The following CCDC171 variants were observed in gnomAD, a reference collection of about 807,000 sequenced individuals.
CCDC171 encodes coiled-coil domain-containing protein 171.
A neutral mutation model predicts 168.2 loss-of-function variants in CCDC171; 177 were observed. The ratio of observed to expected loss-of-function variants is 1.05; its 90% CI spans 0.93 to 1.19. The LOEUF (loss-of-function observed/expected upper bound fraction) is 1.19, where lower values mean the gene tolerates loss of function less well. Ranked by LOEUF, CCDC171 falls within the 50% of genes most tolerant of loss-of-function variation. CCDC171 has a pLI of 0.00. For synonymous variants in CCDC171, 687 were observed against 540.8 expected, an observed-to-expected ratio of 1.27 and a Z score of -3.75; for missense variants, 1,991 against 1,539.0, an observed-to-expected ratio of 1.29 and a Z score of -4.91.
chr9:15,806,000 T>A (rs1180624327), intron 21 of CCDC171, among the ~76,000 whole-genome samples: 1 of 151,734 alleles, frequency 6.6e-6, no homozygotes, highest in East Asian at 1.9e-4. Context: ...TCTTTCTTTG[T>A]CTTTTTTGAT....
At chr9:15,978,934 TTCTA>T (rs1409057914), downstream of CCDC171, among the ~76,000 whole-genome samples, 1 of 152,178 alleles carries the variant, frequency 6.6e-6, no homozygotes, top group Non-Finnish European at 1.5e-5. Flanking sequence ...ATAATCTACT[TTCTA>T]TCTCTATGGA....
chr9:15,633,797 G>A lies in CCDC171; in HGVS notation c.822+10384G>A, dbSNP rs1237076927. The stretch of plus-strand genomic sequence containing the variant: ...CCCAAATGTCCAACAATGATAGACT[G>A]GATTAAGAAAATGTGGCAGATATAC... On this transcript the variant is annotated intron_variant, in intron 7 of 25. Transcript: ENST00000380701. Among the ~76,000 whole-genome samples the A allele has an allele frequency of 5.9e-5, 9 of 152,244 alleles. No individual in the cohort carries two copies. In the East Asian group the frequency reaches 1.2e-3, roughly 20 times the overall value.
At chr9:15,917,801 G>A (rs1196683130) in intron 24 of CCDC171, among the ~76,000 whole-genome samples, 2 of 151,592 alleles carry the variant, frequency 1.3e-5, no homozygotes, top group Non-Finnish European at 3.0e-5. Context: ...TAATAATCCA[G>A]GAGCCTATTA....
Position 15,651,189 on chromosome 9 carries a change from A to T in CCDC171, c.823-5938A>T, listed in dbSNP as rs1241591985. ...CAGTGTGCAATCTCCACTCACTGCA[A>T]CTTCCACCTCCCGGGTTCAAGTGAT... On this transcript the variant is annotated intron_variant, in intron 7 of 25. Coordinates refer to ENST00000380701, the MANE Select transcript of CCDC171 (RefSeq NM_173550.4). Among the ~76,000 whole-genome samples, 3 of 151,802 alleles carry T rather than the reference A, an allele frequency of 2.0e-5. No homozygotes were observed. In the East Asian group the frequency reaches 5.8e-4, roughly 29 times the overall value.
chr9:16,105,459 C>G, the CCDC171 span, among the ~76,000 whole-genome samples: 7 of 152,254 alleles, frequency 4.6e-5, no homozygotes, highest in East Asian at 3.9e-4. Context: ...AGCACCCCCC[C>G]CTTCTCTTTT....
At chr9:15,929,063 CAT>C (rs1403240960) in intron 25 of CCDC171, among the ~76,000 whole-genome samples, 20 of 150,986 alleles carry the variant, frequency 1.3e-4, no homozygotes, top group Non-Finnish European at 2.1e-4. Flanking sequence ...TAATATAAAA[CAT>C]ATTAGATATA....
chr9:15,708,753 C>T (rs910520906), intron 11 of CCDC171, among the ~76,000 whole-genome samples: 1 of 151,904 alleles, frequency 6.6e-6, no homozygotes, highest in Non-Finnish European at 1.5e-5. Context: ...TGCCAGAAGT[C>T]CAGGGAGTAG....
chr9:15,789,190 C>G (rs1415519426), intron 21 of CCDC171, among the ~76,000 whole-genome samples: 1 of 152,056 alleles, frequency 6.6e-6, no homozygotes. Flanking sequence ...ACATGACACT[C>G]AAAGTAAATG....
At chr9:15,901,470 T>A (rs1821657647) in intron 24 of CCDC171, among the ~76,000 whole-genome samples, 1 of 152,244 alleles carries the variant, frequency 6.6e-6, no homozygotes, top group Non-Finnish European at 1.5e-5. Flanking sequence ...CTCTCTGTAC[T>A]TCATGCTCAA....
At chr9:16,082,306 C>T in the CCDC171 span, among the ~76,000 whole-genome samples, 4 of 152,170 alleles carry the variant, frequency 2.6e-5, no homozygotes, top group Non-Finnish European at 4.4e-5. Context: ...CATTTCTAAT[C>T]AAGTGAGTTA....
At chr9:15,590,773 CTT>C (rs1491210456) in intron 4 of CCDC171, among the ~76,000 whole-genome samples, 22 of 75,650 alleles carry the variant, frequency 2.9e-4, no homozygotes, top group African/African-American at 1.0e-3. Context: ...CTTTCTTTCT[CTT>C]TCTTTCTTTC....
Position 15,564,028 on chromosome 9 carries a change from A to G in CCDC171, c.-61A>G. On this transcript the variant is annotated 5_prime_UTR_variant, in exon 2 of 26. Coordinates refer to ENST00000380701, the MANE Select transcript of CCDC171 (RefSeq NM_173550.4). ...ACAGACATCTTGGGCAATTTTAATC[A>G]TCAAGAAAGAAATATGTCATTAAGA... 7.3e-7 allele frequency: 1 copy of G among 1,364,570 alleles called. No individual in the cohort carries two copies. The highest frequency in any genetic ancestry group is 1.0e-6 in the Non-Finnish European group (1 of 965,406). 84.5% of individuals were successfully genotyped at this position (1,364,570 alleles called of 1,614,324 possible).
At chr9:16,100,497 A>C in the CCDC171 span, among the ~76,000 whole-genome samples, 17 of 152,190 alleles carry the variant, frequency 1.1e-4, no homozygotes, top group Admixed American at 1.0e-3. Flanking sequence ...GTAATTGGCC[A>C]CACACACAAA....
chr9:15,989,002 G>A (rs968630251), intron 3 of CCDC171, among the ~76,000 whole-genome samples: 2 of 152,206 alleles, frequency 1.3e-5, no homozygotes, highest in Non-Finnish European at 2.9e-5. Context: ...ACCTCTGGGG[G>A]CAGGGCATAG....
intron 3 of CCDC171, among the ~76,000 whole-genome samples, chr9:15,993,833 G>T (rs1212160319): frequency 6.6e-6 from 1 of 152,160 alleles, no homozygotes; most frequent in Admixed American, 6.6e-5. Flanking sequence ...ACAGACGCAT[G>T]AAAAAATGCT....
At chr9:15,933,894 C>G (rs1040146139) in intron 25 of CCDC171, among the ~76,000 whole-genome samples, 8 of 151,678 alleles carry the variant, frequency 5.3e-5, no homozygotes, top group African/African-American at 1.7e-4. Flanking sequence ...AGATATGACA[C>G]CAAAAGGATA....
intron 25 of CCDC171, among the ~76,000 whole-genome samples, chr9:15,966,686 T>G (rs1830821825): frequency 6.6e-6 from 1 of 152,226 alleles, no homozygotes; most frequent in Admixed American, 6.5e-5. Context: ...ATGCAACTTC[T>G]TTGCATTTTT....
intron 21 of CCDC171, among the ~76,000 whole-genome samples, chr9:15,825,242 T>C (rs182801368): frequency 1.3e-5 from 2 of 152,212 alleles, no homozygotes; most frequent in East Asian, 1.9e-4. Context: ...AACCACATGA[T>C]TGATAACTAA....
At chr9:16,054,577 G>T (rs910031523) in intron 1 of CCDC171, among the ~76,000 whole-genome samples, 1 of 152,190 alleles carries the variant, frequency 6.6e-6, no homozygotes, top group Non-Finnish European at 1.5e-5. Context: ...GGTTAACTGT[G>T]ACAGGCCTCC....
Sources: allele counts gnomAD v4.1 joint callset (sites outside exome capture counted in the v4.1 genomes callset), GRCh38; gene constraint gnomAD v4.1.1; transcripts MANE v1.5; gene names NCBI Gene and HGNC (gene_info 2026-07-23, HGNC 2026-07-21).